PTPRD: variants seen among roughly 807,000 people sequenced by gnomAD.
The protein encoded by PTPRD is receptor-type tyrosine-protein phosphatase delta.
A neutral mutation model predicts 214.5 loss-of-function variants in PTPRD; 34 were observed. That is an observed-to-expected ratio of 0.16 (90% CI 0.12 to 0.21). The LOEUF (loss-of-function observed/expected upper bound fraction) is 0.21, where lower values mean the gene tolerates loss of function less well. PTPRD is among the 10% of genes least tolerant of loss of function. The probability of loss-of-function intolerance (pLI) is 1.00; values close to 1 mark genes in which losing one functional copy is unlikely to be tolerated. For missense variants in PTPRD, 2,545 were observed against 2,398.7 expected, an observed-to-expected ratio of 1.06 and a Z score of -1.27; for synonymous variants, 1,128 against 845.7, an observed-to-expected ratio of 1.33 and a Z score of -5.79.
chr9:10,133,080 G>T (rs544350123), intron 3 of PTPRD, among the ~76,000 whole-genome samples: 2 of 152,152 alleles, frequency 1.3e-5, no homozygotes, highest in African/African-American at 4.8e-5. Flanking sequence ...TAGAGGCAAA[G>T]AATTTGAACT....
chr9:9,429,647 C>T (rs896899812), intron 8 of PTPRD, among the ~76,000 whole-genome samples: 2 of 152,136 alleles, frequency 1.3e-5, no homozygotes, highest in African/African-American at 2.4e-5. Context: ...ATGCAAAAAT[C>T]CTCAATAACA....
intron 3 of PTPRD, among the ~76,000 whole-genome samples, chr9:10,077,576 C>CAGAT (rs1286627662): frequency 1.3e-5 from 2 of 152,034 alleles, no homozygotes; most frequent in African/African-American, 2.4e-5. Flanking sequence ...GTTTGGTGTA[C>CAGAT]AGATTATTTT....
At chr9:9,370,553 G>T (rs1477136165) in intron 9 of PTPRD, among the ~76,000 whole-genome samples, 2 of 151,652 alleles carry the variant, frequency 1.3e-5, no homozygotes, top group Non-Finnish European at 2.9e-5. Flanking sequence ...CATGTCATCT[G>T]CAAACAGGGA....
chr9:8,952,743 A>C (rs2154306850), intron 11 of PTPRD, among the ~76,000 whole-genome samples: 2 of 152,076 alleles, frequency 1.3e-5, no homozygotes, highest in Middle Eastern at 6.8e-3. Context: ...TTTTCATGAA[A>C]GATTGAATTC....
At chr9:9,394,187 A>G (rs2066901635) in intron 9 of PTPRD, among the ~76,000 whole-genome samples, 1 of 152,188 alleles carries the variant, frequency 6.6e-6, no homozygotes, top group African/African-American at 2.4e-5. Context: ...GATTTGACAA[A>G]ATCATTCAGA....
chr9:8,535,564 GT>G (rs1167232359), intron 14 of PTPRD, among the ~76,000 whole-genome samples: 1 of 151,872 alleles, frequency 6.6e-6, no homozygotes, highest in Admixed American at 6.6e-5. Context: ...GGAACCAACT[GT>G]TTTTCCCTAT....
intron 14 of PTPRD, among the ~76,000 whole-genome samples, chr9:8,621,527 G>A (rs1022000630): frequency 1.3e-5 from 2 of 151,862 alleles, no homozygotes; most frequent in African/African-American, 4.8e-5. Context: ...TGTCCTCCTT[G>A]GTTCTTTGTA....
intron 9 of PTPRD, among the ~76,000 whole-genome samples, chr9:9,380,316 C>A (rs1277259292): frequency 6.6e-6 from 1 of 151,880 alleles, no homozygotes; most frequent in Non-Finnish European, 1.5e-5. Context: ...CTTGAGATTT[C>A]TTCTTTGACC....
intron 14 of PTPRD, among the ~76,000 whole-genome samples, chr9:8,625,373 C>T (rs1471804534): frequency 1.3e-5 from 2 of 151,888 alleles, no homozygotes; most frequent in Admixed American, 6.6e-5. Context: ...GACAGATCTG[C>T]AGTTACCCAC....
At chr9:8,327,119 T>C (rs936248504) in intron 44 of PTPRD, among the ~76,000 whole-genome samples, 1 of 150,614 alleles carries the variant, frequency 6.6e-6, no homozygotes, top group Non-Finnish European at 1.5e-5. Context: ...AATTGTGATG[T>C]TAGGGTGTCG....
chr9:9,716,424 G>C (rs1397721547), intron 7 of PTPRD, among the ~76,000 whole-genome samples: 1 of 151,806 alleles, frequency 6.6e-6, no homozygotes, highest in African/African-American at 2.4e-5. Flanking sequence ...CTGAGGAATC[G>C]CCACACTGAC....
chr9:9,909,971 T>C (rs1405919877), intron 5 of PTPRD, among the ~76,000 whole-genome samples: 2 of 151,976 alleles, frequency 1.3e-5, no homozygotes, highest in East Asian at 3.9e-4. Flanking sequence ...AATCATCCTA[T>C]CAGTTAGAGA....
At chr9:8,364,176 C>A (rs1034291755) in intron 39 of PTPRD, among the ~76,000 whole-genome samples, 1 of 152,254 alleles carries the variant, frequency 6.6e-6, no homozygotes, top group East Asian at 1.9e-4. Context: ...CAAGAAATAG[C>A]ACAAATCCAA....
At chr9:10,428,884 C>T (rs936154517) in intron 2 of PTPRD, among the ~76,000 whole-genome samples, 1 of 151,956 alleles carries the variant, frequency 6.6e-6, no homozygotes. Flanking sequence ...AAGCTGGAGT[C>T]AGACTCACAT....
chr9:9,989,278 A>G (rs554546703), intron 4 of PTPRD, among the ~76,000 whole-genome samples: 5 of 152,276 alleles, frequency 3.3e-5, no homozygotes, highest in Admixed American at 3.3e-4. Flanking sequence ...AAATGAGAGC[A>G]TGCATTCCTG....
At chr9:9,690,732 C>T (rs2097254696) in intron 7 of PTPRD, among the ~76,000 whole-genome samples, 1 of 151,844 alleles carries the variant, frequency 6.6e-6, no homozygotes, top group Non-Finnish European at 1.5e-5. Flanking sequence ...GTTATTTTGC[C>T]AATGTACACT....
At chr9:9,418,593 C>G (rs942424004) in intron 8 of PTPRD, among the ~76,000 whole-genome samples, 1 of 151,986 alleles carries the variant, frequency 6.6e-6, no homozygotes, top group Non-Finnish European at 1.5e-5. Flanking sequence ...AATGGCCATG[C>G]TATTACCTGC....
At chr9:9,715,436 G>C (rs1217246242) in intron 7 of PTPRD, among the ~76,000 whole-genome samples, 1 of 151,796 alleles carries the variant, frequency 6.6e-6, no homozygotes. Context: ...ATTAGTGATA[G>C]AAAGCCGTAT....
At chr9:10,169,822 A>C (rs1229055224) in intron 3 of PTPRD, among the ~76,000 whole-genome samples, 1 of 152,188 alleles carries the variant, frequency 6.6e-6, no homozygotes, top group African/African-American at 2.4e-5. Context: ...AAATTAGTAG[A>C]CATGCAAAGA....
Sources: gnomAD v4.1 joint callset for allele counts (sites outside exome capture counted in the v4.1 genomes callset) on GRCh38, gnomAD v4.1.1 for gene constraint, MANE v1.5 for transcripts, NCBI Gene and HGNC (gene_info 2026-07-23, HGNC 2026-07-21) for gene names.